Variants in IFIT1 observed in about 807,000 individuals in gnomAD.
IFIT1 encodes the protein antiviral innate immune response effector IFIT1.
Under a neutral mutation model 2.5 loss-of-function variants are expected in IFIT1, and 1 was observed. That is an observed-to-expected ratio of 0.40 (90% CI 0.14 to 1.92). The LOEUF (loss-of-function observed/expected upper bound fraction) is 1.92, where lower values mean the gene tolerates loss of function less well. Ranked by LOEUF, IFIT1 falls within the 40% of genes most tolerant of loss-of-function variation. The probability of loss-of-function intolerance (pLI) is 0.31; values close to 1 mark genes in which losing one functional copy is unlikely to be tolerated. For missense variants in IFIT1, 508 were observed against 557.8 expected, an observed-to-expected ratio of 0.91 and a Z score of 0.90; for synonymous variants, 191 against 201.7, an observed-to-expected ratio of 0.95 and a Z score of 0.45.
At chr10:89,398,101 A>G (rs190633461) in intron 1 of IFIT1, among the ~76,000 whole-genome samples, 1 of 152,196 alleles carries the variant, frequency 6.6e-6, no homozygotes, top group African/African-American at 2.4e-5. Flanking sequence ...GTGGAGGATC[A>G]GTCAGAGTGA....
At chr10:89,393,468 C>CA (rs1302914287) in intron 1 of IFIT1, 1 of 423,402 alleles carries the variant, frequency 2.4e-6, no homozygotes, top group Non-Finnish European at 4.0e-6. Context: ...CAAGGGGGCT[C>CA]ATGCTTGTAA....
In IFIT1 at chr10:89,403,476, C is replaced by G. The variant is rs994668292; in HGVS notation, c.1201C>G (p.His401Asp). The change falls in exon 2 of 2, where the codon CAT (histidine) becomes GAT (aspartate). Residue 401 changes from histidine (H) to aspartate (D), a missense_variant. Coordinates refer to ENST00000371804, the MANE Select transcript of IFIT1 (RefSeq NM_001548.5). ...QKKSDVNAII[H>D]YLKAIKIEQA... ...GAAATCTGACGTCAATGCAATTATC[C>G]ATTATTTAAAAGCTATAAAAATAGA... is the stretch of plus-strand genomic sequence containing the variant. 6.2e-7 allele frequency: 1 copy of G among 1,612,210 alleles called. No individual in the cohort carries two copies. Among genetic ancestry groups the G allele is most frequent in the Non-Finnish European group, 8.5e-7 (1 of 1,179,080 alleles).
At chr10:89,394,580 ATATATATATATATATATATATAT>A (rs1844307185) in intron 1 of IFIT1, among the ~76,000 whole-genome samples, 3 of 17,018 alleles carry the variant, frequency 1.8e-4, no homozygotes. Context: ...ACAGGAAAAT[ATATATATATATATATATATATAT>A]ATATATATAT....
intron 1 of IFIT1, among the ~76,000 whole-genome samples, chr10:89,393,773 T>C (rs1054076214): frequency 6.6e-6 from 1 of 152,202 alleles, no homozygotes; most frequent in African/African-American, 2.4e-5. Flanking sequence ...TAATACTGAT[T>C]TGTAAATTTT....
chr10:89,402,858 A>G lies in IFIT1; in HGVS notation c.583A>G (p.Thr195Ala). Residue 195 changes from threonine to alanine, a missense_variant, in exon 2 of 2, where the codon ACA becomes GCA. Thr to Ala is a moderately conservative substitution (Grantham distance 58). Coordinates refer to ENST00000371804, the MANE Select transcript of IFIT1 (RefSeq NM_001548.5). ...TCGCCTGGATGGCTTTAAATTAGCC[A>G]CAAAAAATCACAAGCCATTTTCTTT... ...AYRLDGFKLA[T>A]KNHKPFSLLP... The G allele has an allele frequency of 1.9e-6, 3 of 1,614,184 alleles. 1 individual carries two copies. Among genetic ancestry groups the G allele is most frequent in the South Asian group, 1.1e-5 (1 of 91,084 alleles).
intron 1 of IFIT1, among the ~76,000 whole-genome samples, chr10:89,400,791 G>A (rs918545789): frequency 3.3e-5 from 5 of 152,100 alleles, no homozygotes; most frequent in Non-Finnish European, 7.4e-5. Flanking sequence ...AGAATTTCCA[G>A]TACCATGTTG....
rs986645760 is a variant in IFIT1 at position 89,393,470 on chromosome 10, T to C, written c.5+753T>C. The C allele has an allele frequency of 8.6e-5, 36 of 416,250 alleles. 1 individual carries two copies. Among genetic ancestry groups the C allele is most frequent in the Middle Eastern group, 1.8e-3 (2 of 1,124 alleles). 25.8% of individuals were successfully genotyped at this position (416,250 alleles called of 1,614,324 possible). A position where few individuals can be genotyped will look rare whatever the true frequency, so the allele number is the denominator to read the frequency against. ...TACTTAGGCCGGGCAAGGGGGCTCA[T>C]GCTTGTAATCCCAGCACTTTGGGAG... On this transcript the variant is annotated intron_variant, in intron 1 of 1. Transcript: ENST00000371804.
In IFIT1 at chr10:89,402,994, T is replaced by C. The variant is rs1488551366; in HGVS notation, c.719T>C (p.Ile240Thr). The change falls in exon 2 of 2, where the codon ATT (isoleucine) becomes ACT (threonine). Residue 240 changes from isoleucine to threonine, a missense_variant. Transcript: ENST00000371804. ...CAGGAAGCTGAAGGAGAAAAGTACA[T>C]TGAAGAAGCTCTAGCCAACATGTCC... is the stretch of plus-strand genomic sequence containing the variant. ...EGQEAEGEKY[I>T]EEALANMSSQ... The C allele has an allele frequency of 1.1e-5, 18 of 1,614,012 alleles. No individual in the cohort carries two copies. The highest frequency in any genetic ancestry group is 5.3e-5 in the African/African-American group (4 of 74,936).
At chr10:89,401,806 G>A (rs1041597179) in intron 1 of IFIT1, among the ~76,000 whole-genome samples, 2 of 151,310 alleles carry the variant, frequency 1.3e-5, no homozygotes, top group South Asian at 2.1e-4. Flanking sequence ...AAAAAAACCC[G>A]GGTCAAATAT....
At chr10:89,394,786 A>G (rs529211676) in intron 1 of IFIT1, among the ~76,000 whole-genome samples, 18 of 152,044 alleles carry the variant, frequency 1.2e-4, no homozygotes, top group African/African-American at 4.3e-4. Context: ...ATCTAGTTCA[A>G]GAACATTTTT....
chr10:89,401,566 G>A lies in IFIT1; in HGVS notation c.6-715G>A, dbSNP rs148769691. 3.3e-3 allele frequency among the ~76,000 whole-genome samples: 495 copies of A among 152,074 alleles called. 5 individuals carry two copies. The highest frequency in any genetic ancestry group is 0.01 in the African/African-American group (433 of 41,500). On this transcript the variant is annotated intron_variant, in intron 1 of 1. Transcript: ENST00000371804. ...AGATGTGGTAGTGAAGAGGAGTTTC[G>A]TTTCTTTATCAAAGTGGTGGTCTCA...
chr10:89,400,973 G>C (rs1041999299), intron 1 of IFIT1, among the ~76,000 whole-genome samples: 3 of 151,584 alleles, frequency 2.0e-5, no homozygotes, highest in Non-Finnish European at 4.4e-5. Context: ...TTTTCATAAA[G>C]GGTGTTGAAT....
rs545015479 is a variant in IFIT1, at chr10:89,403,961, G to C, written c.*249G>C. 79 of 356,100 alleles carry C rather than the reference G, an allele frequency of 2.2e-4. No homozygotes were observed. The highest frequency in any genetic ancestry group is 1.6e-3 in the African/African-American group (76 of 47,570). The allele number at this position is 356,100 out of a possible 1,614,324, so 22.1% of individuals were successfully genotyped here. On this transcript the variant is annotated 3_prime_UTR_variant, in exon 2 of 2. Coordinates refer to ENST00000371804, the MANE Select transcript of IFIT1 (RefSeq NM_001548.5). ...AGAAAAAATGTTAGTTAACTTTGTA[G>C]GAAATAAAACATTGGACTTACACTA...
At position 89,403,559 on chromosome 10, in the gene IFIT1, G is replaced by A. The variant is rs2133634253; in HGVS notation, c.1284G>A (p.Arg428=). Residue 428 remains arginine, a synonymous_variant, in exon 2 of 2, where the codon AGG becomes AGA. Transcript: ENST00000371804. ...ATTCTTTGAAGAAATTGGTTTTAAG[G>A]AAACTTCGGAGAAAGGCATTAGATC... ...SINSLKKLVL[R]KLRRKALDLE... 1 of 1,614,048 alleles carries A rather than the reference G, an allele frequency of 6.2e-7. No homozygotes were observed. Among genetic ancestry groups the A allele is most frequent in the East Asian group, 2.2e-5 (1 of 44,882 alleles).
chr10:89,393,290 G>T (rs1010383802), intron 1 of IFIT1: 3 of 1,289,522 alleles, frequency 2.3e-6, no homozygotes, highest in South Asian at 2.5e-5. Flanking sequence ...TCGCAATCAG[G>T]CTGAGCTTAA....
rs1300641875 is a variant in IFIT1 at position 89,403,873 on chromosome 10, T to C, written c.*161T>C. ...AATATTAGTTGTGTTCAACAATTAG[T>C]GAAACAGAATGTGTGTATGCATGTA... On this transcript the variant is annotated 3_prime_UTR_variant, in exon 2 of 2. Transcript: ENST00000371804. The C allele has an allele frequency of 8.8e-6, 5 of 567,518 alleles. No individual in the cohort carries two copies. The highest frequency in any genetic ancestry group is 7.1e-5 in the Admixed American group (2 of 28,198). The allele number at this position is 567,518 out of a possible 1,614,324, so 35.2% of individuals were successfully genotyped here.
rs78486827 is a variant in IFIT1 at position 89,397,703 on chromosome 10, C to T, written c.6-4578C>T. On this transcript the variant is annotated intron_variant, in intron 1 of 1. Coordinates refer to ENST00000371804, the MANE Select transcript of IFIT1 (RefSeq NM_001548.5). The stretch of plus-strand genomic sequence containing the variant: ...AGCATTTTTTTTCATATTTATTGGC[C>T]ATTTATATTGGCTTTTCTACAAATT... Among the ~76,000 whole-genome samples the T allele has an allele frequency of 1.0e-2, 1,520 of 152,054 alleles. 24 individuals carry two copies. The highest frequency in any genetic ancestry group is 0.035 in the African/African-American group (1,437 of 41,494).
chr10:89,393,234 G>C (rs964269150), intron 1 of IFIT1: 2 of 1,289,866 alleles, frequency 1.6e-6, no homozygotes, highest in Non-Finnish European at 2.0e-6. Flanking sequence ...TCCTCCATAG[G>C]CTTCTGGTCT....
chr10:89,398,695 C>T (rs190860097), intron 1 of IFIT1, among the ~76,000 whole-genome samples: 2 of 152,292 alleles, frequency 1.3e-5, no homozygotes, highest in East Asian at 3.9e-4. Context: ...CATGTTGTAA[C>T]ATGTATCAGA....
Sources: gnomAD v4.1 joint callset for allele counts (sites outside exome capture counted in the v4.1 genomes callset) on GRCh38, gnomAD v4.1.1 for gene constraint, MANE v1.5 for transcripts, NCBI Gene and HGNC (gene_info 2026-07-23, HGNC 2026-07-21) for gene names.